AMZ1: variants seen among roughly 807,000 people sequenced by gnomAD.
AMZ1 encodes archaemetzincin-1.
AMZ1 carries 39 observed loss-of-function variants against 29.9 expected under a neutral mutation model. The ratio of observed to expected loss-of-function variants is 1.30; its 90% CI spans 1.01 to 1.70. The LOEUF (loss-of-function observed/expected upper bound fraction) is 1.70. Ranked by LOEUF, AMZ1 falls within the 40% of genes most tolerant of loss-of-function variation. AMZ1 has a pLI of 0.00. For missense variants in AMZ1, 1,041 were observed against 680.6 expected (o/e 1.53, Z -5.89); for synonymous variants, 458 against 304.0 (o/e 1.51, Z -5.27).
chr7:2,688,368 A>G (rs1328747231), intron 1 of AMZ1, 72 bp downstream of exon 1: 2 of 140,762 alleles, frequency 1.4e-5, no homozygotes, highest in African/African-American at 2.6e-5. Flanking sequence ...GCGGGTGGGT[A>G]GGGGCAGCTC....
intron 4 of AMZ1, among the ~76,000 whole-genome samples, chr7:2,734,769 C>T (rs567755395): frequency 6.6e-6 from 1 of 152,338 alleles, no homozygotes; most frequent in African/African-American, 2.4e-5. Flanking sequence ...CCCAGCACTG[C>T]CTGTGTTGAG....
chr7:2,735,154 C>T (rs1416609584), intron 4 of AMZ1, among the ~76,000 whole-genome samples: 3 of 152,184 alleles, frequency 2.0e-5, no homozygotes, highest in African/African-American at 4.8e-5. Flanking sequence ...GCGCCTCTCT[C>T]TCCTGCCTCC....
At chr7:2,733,301 C>G (rs746590915) in intron 4 of AMZ1, 1 of 674,286 alleles carries the variant, frequency 1.5e-6, no homozygotes, top group Non-Finnish European at 2.7e-6. Context: ...CAAGTGAGAG[C>G]GTGCCATTAC....
At chr7:2,700,848 A>G in intron 2 of AMZ1, 93 bp downstream of exon 2, 1 of 1,490,598 alleles carries the variant, frequency 6.7e-7, no homozygotes, top group Non-Finnish European at 9.0e-7. Flanking sequence ...CCCAGGCAGG[A>G]CTGAAATGAG....
At chr7:2,699,559 C>T (rs566415528) in intron 1 of AMZ1, among the ~76,000 whole-genome samples, 103 of 149,962 alleles carry the variant, frequency 6.9e-4, no homozygotes, top group Middle Eastern at 3.6e-3. Context: ...GCTTGCTGGG[C>T]GCACAGGGAC....
At chr7:2,703,672 G>A (rs1012512410) in intron 3 of AMZ1, among the ~76,000 whole-genome samples, 2 of 152,118 alleles carry the variant, frequency 1.3e-5, no homozygotes, top group African/African-American at 4.8e-5. Context: ...TGGAATGAGC[G>A]GATGGACAGC....
rs978845392 is a variant in AMZ1, at chr7:2,717,058, G to A, written c.*4180G>A. On this transcript the variant is annotated 3_prime_UTR_variant, in exon 7 of 7. Transcript: ENST00000683327. ...AGGCCTGCACCCTGATCCCTGAGCA[G>A]CCCCCACACACCGGCACCCACGCCC... 3.9e-5 allele frequency among the ~76,000 whole-genome samples: 6 copies of A among 152,304 alleles called. No individual in the cohort carries two copies. The highest frequency in any genetic ancestry group is 3.9e-4 in the East Asian group (2 of 5,182).
At chr7:2,725,548 C>T (rs946587570) in intron 4 of AMZ1, among the ~76,000 whole-genome samples, 2 of 152,198 alleles carry the variant, frequency 1.3e-5, no homozygotes, top group Non-Finnish European at 2.9e-5. Context: ...GAATGAGAAG[C>T]CATAGGGCAG....
chr7:2,717,651 C>T lies in AMZ1; in HGVS notation c.*4773C>T, dbSNP rs552086719. Among the ~76,000 whole-genome samples, 4 of 152,332 alleles carry T rather than the reference C, an allele frequency of 2.6e-5. No individual in the cohort carries two copies. The highest frequency in any genetic ancestry group is 1.9e-4 in the East Asian group (1 of 5,180). On this transcript the variant is annotated 3_prime_UTR_variant, in exon 7 of 7. Transcript: ENST00000683327. ...CGCAGGGTAATCTAGGAAACACTTC[C>T]GGCTTGACTGTAAAGAGCCCTGGCC... is the stretch of plus-strand genomic sequence containing the variant.
At chr7:2,692,107 A>C (rs962880010) in intron 1 of AMZ1, among the ~76,000 whole-genome samples, 2 of 152,172 alleles carry the variant, frequency 1.3e-5, no homozygotes, top group Non-Finnish European at 2.9e-5. Context: ...CTACAAAAAT[A>C]AGCTGGTGAG....
upstream of AMZ1, among the ~76,000 whole-genome samples, chr7:2,763,491 T>C (rs1583257626): frequency 6.6e-6 from 1 of 152,338 alleles, no homozygotes; most frequent in African/African-American, 2.4e-5. Flanking sequence ...CCGGCAGCAG[T>C]GCTGCTCTAT....
At chr7:2,683,718 G>A (rs1215143318), upstream of AMZ1, among the ~76,000 whole-genome samples, 4 of 152,038 alleles carry the variant, frequency 2.6e-5, no homozygotes, top group Admixed American at 2.0e-4. Flanking sequence ...GATTAGAGAC[G>A]CGAGCCACCG....
At chr7:2,702,700 G>A in intron 2 of AMZ1, 22 bp from the exon 3 acceptor site, 1 of 1,514,340 alleles carries the variant, frequency 6.6e-7, no homozygotes, top group Non-Finnish European at 8.8e-7. Context: ...TCGCAGGGCT[G>A]ACGGTGCTGC....
Position 2,718,568 on chromosome 7 carries a change from G to A in AMZ1, c.*5690G>A, listed in dbSNP as rs144660885. 6.6e-5 allele frequency among the ~76,000 whole-genome samples: 10 copies of A among 152,336 alleles called. No homozygotes were observed. Among genetic ancestry groups the A allele is most frequent in the Admixed American group, 2.0e-4 (3 of 15,302 alleles). On this transcript the variant is annotated 3_prime_UTR_variant, in exon 7 of 7. Transcript: ENST00000683327. ...GCACGTGGACGAAGGTGATGAGCGC[G>A]GCTGACGGCTCCCGGGGGCAGTGTG...
intron 2 of AMZ1, chr7:2,702,351 G>T (rs1788100484): frequency 4.5e-6 from 1 of 221,112 alleles, no homozygotes. Flanking sequence ...GTCTGCCCCA[G>T]TCAGGCTGGC....
At chr7:2,733,877 G>C (rs1388342326) in intron 4 of AMZ1, among the ~76,000 whole-genome samples, 2 of 152,204 alleles carry the variant, frequency 1.3e-5, no homozygotes, top group African/African-American at 2.4e-5. Context: ...TTAGATTTTG[G>C]CTCCTGGGTA....
chr7:2,708,440 G>A, intron 3 of AMZ1, 148 bp from the exon 4 acceptor site: 1 of 1,229,972 alleles, frequency 8.1e-7, no homozygotes, highest in Non-Finnish European at 1.1e-6. Context: ...TGTGCCCTCA[G>A]GTCACACCAA....
chr7:2,737,269 GTTTTGTTTTTTTTTTT>G (rs1407244658), intron 4 of AMZ1, among the ~76,000 whole-genome samples: 6 of 38,112 alleles, frequency 1.6e-4, no homozygotes, highest in Non-Finnish European at 3.2e-4. Context: ...TCACAGTTTT[GTTTTGTTTTTTTTTTT>G]TTTGTTTTTT....
intron 1 of AMZ1, among the ~76,000 whole-genome samples, chr7:2,688,772 A>T (rs6967391): frequency 0.28 from 42,399 of 151,900 alleles, 6,900 homozygotes; most frequent in African/African-American, 0.45. Context: ...CCTGTGTATG[A>T]GCCGGGGAGG....
Sources: allele counts gnomAD v4.1 joint callset (sites outside exome capture counted in the v4.1 genomes callset), GRCh38; gene constraint gnomAD v4.1.1; transcripts MANE v1.5; gene names NCBI Gene and HGNC (gene_info 2026-07-23, HGNC 2026-07-21).